Variants in GRID2 observed in about 807,000 individuals in gnomAD.
GRID2 encodes the protein glutamate ionotropic receptor delta type subunit 2.
In GRID2, 33 loss-of-function variants were observed where a neutral mutation model predicts 114.8. The observed-to-expected ratio is 0.29, with a 90% confidence interval of 0.22 to 0.38. GRID2 has a LOEUF of 0.38. Ranked by LOEUF, GRID2 falls within the 10% of genes least tolerant of loss-of-function variation. GRID2 has a pLI of 1.00. For missense variants in GRID2, 1,184 were observed against 1,257.7 expected (o/e 0.94, Z 0.89); for synonymous variants, 505 against 449.9 (o/e 1.12, Z -1.55).
At chr4:92,734,305 A>G (rs1470377687) in intron 2 of GRID2, among the ~76,000 whole-genome samples, 1 of 150,864 alleles carries the variant, frequency 6.6e-6, no homozygotes, top group African/African-American at 2.4e-5. Flanking sequence ...CTTTTTTTTT[A>G]AGATAGGGTC....
chr4:92,779,138 A>T (rs1738943428), intron 2 of GRID2, among the ~76,000 whole-genome samples: 1 of 152,062 alleles, frequency 6.6e-6, no homozygotes, highest in East Asian at 1.9e-4. Flanking sequence ...TAGCATTTCT[A>T]TTGAAGCAAA....
At chr4:92,721,574 G>A (rs1195986205) in intron 2 of GRID2, among the ~76,000 whole-genome samples, 2 of 152,032 alleles carry the variant, frequency 1.3e-5, no homozygotes, top group African/African-American at 2.4e-5. Context: ...TAAAAAGACA[G>A]TACTTTTCAA....
intron 2 of GRID2, among the ~76,000 whole-genome samples, chr4:93,007,452 A>C (rs1416794750): frequency 6.6e-6 from 1 of 152,190 alleles, no homozygotes; most frequent in Non-Finnish European, 1.5e-5. Flanking sequence ...AAAATAAAGC[A>C]GCAGTAAAGC....
At chr4:92,542,651 G>A (rs1306963315) in intron 1 of GRID2, among the ~76,000 whole-genome samples, 27 of 151,316 alleles carry the variant, frequency 1.8e-4, no homozygotes, top group Non-Finnish European at 7.4e-5. Flanking sequence ...GGGAGGTGAG[G>A]GATAAAAGGC....
rs185533498 is a variant in GRID2, at chr4:93,266,132, T to C, written c.1245+27642T>C. Among the ~76,000 whole-genome samples the C allele has an allele frequency of 4.6e-5, 7 of 152,190 alleles. No individual in the cohort carries two copies. In the East Asian group the frequency reaches 1.2e-3, roughly 25 times the overall value. On this transcript the variant is annotated intron_variant, in intron 8 of 15. Coordinates refer to ENST00000282020, the MANE Select transcript of GRID2 (RefSeq NM_001510.4). ...ATGTAATGTGCACATCTTTGGGATG[T>C]GGAAGGAAACGAATATTCAGAGAAA...
At chr4:92,693,832 T>C (rs115979905) in intron 2 of GRID2, among the ~76,000 whole-genome samples, 58 of 152,330 alleles carry the variant, frequency 3.8e-4, no homozygotes, top group Non-Finnish European at 5.9e-5. Context: ...AGCAGTTATA[T>C]AGGATAGATT....
chr4:92,589,993 T>A, intron 1 of GRID2, 138 bp from the exon 2 acceptor site: 2 of 608,636 alleles, frequency 3.3e-6, no homozygotes, highest in South Asian at 2.1e-5. Context: ...CAGTACAATG[T>A]GTTTCATTAA....
Position 92,932,562 on chromosome 4 carries a change from T to C in GRID2, c.245-152433T>C, listed in dbSNP as rs145159530. Among the ~76,000 whole-genome samples, 432 of 151,380 alleles carry C rather than the reference T, an allele frequency of 2.9e-3. 1 individual carries two copies. Among genetic ancestry groups the C allele is most frequent in the Non-Finnish European group, 4.8e-3 (321 of 67,484 alleles). On this transcript the variant is annotated intron_variant, in intron 2 of 15. Coordinates refer to ENST00000282020, the MANE Select transcript of GRID2 (RefSeq NM_001510.4). ...AATCAAGCAACCCCATTCCCAGATA[T>C]TTGCCCAAGAGAAATGAAATCATAT... is the stretch of plus-strand genomic sequence containing the variant.
intron 2 of GRID2, among the ~76,000 whole-genome samples, chr4:92,806,180 C>CAA (rs1740405401): frequency 6.7e-6 from 1 of 150,298 alleles, no homozygotes; most frequent in South Asian, 2.1e-4. Flanking sequence ...CACACACACA[C>CAA]ACACACACAC....
intron 14 of GRID2, among the ~76,000 whole-genome samples, chr4:93,704,299 A>G (rs987631478): frequency 3.3e-5 from 5 of 152,016 alleles, no homozygotes; most frequent in African/African-American, 4.8e-5. Flanking sequence ...GTCTTCTTTT[A>G]AGAAGTGTCT....
At chr4:92,986,599 T>A (rs889537372) in intron 2 of GRID2, among the ~76,000 whole-genome samples, 2 of 152,114 alleles carry the variant, frequency 1.3e-5, no homozygotes, top group Non-Finnish European at 2.9e-5. Context: ...CTGGTTTCCA[T>A]GATTGTGCTA....
In GRID2 at chr4:92,966,086, T is replaced by A. The variant is rs78541371; in HGVS notation, c.245-118909T>A. Among the ~76,000 whole-genome samples the A allele has an allele frequency of 7.0e-3, 1,058 of 152,062 alleles. 19 individuals are homozygous for A. Among genetic ancestry groups the A allele is most frequent in the African/African-American group, 0.024 (1,009 of 41,522 alleles). On this transcript the variant is annotated intron_variant, in intron 2 of 15. Coordinates refer to ENST00000282020, the MANE Select transcript of GRID2 (RefSeq NM_001510.4). ...ATGTCTTTTGTGATATGAATCTGTA[T>A]CTGAAGAAGTATTCATGGACTTCCA...
intron 8 of GRID2, among the ~76,000 whole-genome samples, chr4:93,375,187 C>T (rs1763258447): frequency 6.6e-6 from 1 of 151,588 alleles, no homozygotes; most frequent in African/African-American, 2.4e-5. Flanking sequence ...GTATCTTTAC[C>T]CTCCATGGGA....
intron 2 of GRID2, among the ~76,000 whole-genome samples, chr4:92,857,996 A>G (rs2149431345): frequency 6.6e-6 from 1 of 152,302 alleles, no homozygotes; most frequent in East Asian, 1.9e-4. Flanking sequence ...TAAAGCCTGG[A>G]TGACAGCACA....
chr4:92,813,647 GAC>G (rs1740753011), intron 2 of GRID2, among the ~76,000 whole-genome samples: 1 of 151,732 alleles, frequency 6.6e-6, no homozygotes, highest in South Asian at 2.1e-4. Context: ...CTTCAGTACA[GAC>G]ACACGCACGC....
At chr4:93,537,350 T>G (rs144131691) in intron 13 of GRID2, among the ~76,000 whole-genome samples, 548 of 151,816 alleles carry the variant, frequency 3.6e-3, no homozygotes, top group African/African-American at 0.013. Context: ...TATATTAAGA[T>G]GAGAAGTAAG....
chr4:93,512,194 CTA>C (rs1166170049), intron 12 of GRID2, among the ~76,000 whole-genome samples: 1 of 152,086 alleles, frequency 6.6e-6, no homozygotes, highest in East Asian at 1.9e-4. Context: ...ATTAATGATT[CTA>C]TGATTGTTTT....
intron 2 of GRID2, among the ~76,000 whole-genome samples, chr4:93,026,213 A>C (rs1318193129): frequency 6.6e-6 from 1 of 151,818 alleles, no homozygotes; most frequent in Non-Finnish European, 1.5e-5. Context: ...TTATGGTCTC[A>C]GTTATAACCC....
intron 2 of GRID2, among the ~76,000 whole-genome samples, chr4:92,962,871 A>G (rs188432031): frequency 2.5e-3 from 373 of 152,062 alleles, no homozygotes; most frequent in Non-Finnish European, 4.0e-3. Flanking sequence ...CTGGTCCAGT[A>G]AGTTGCAATT....
Sources: gnomAD v4.1 joint callset for allele counts (sites outside exome capture counted in the v4.1 genomes callset) on GRCh38, gnomAD v4.1.1 for gene constraint, MANE v1.5 for transcripts, NCBI Gene and HGNC (gene_info 2026-07-23, HGNC 2026-07-21) for gene names.